The following SSBP2 variants were observed in gnomAD, a reference collection of about 807,000 sequenced individuals.
The protein encoded by SSBP2 is single-stranded DNA-binding protein 2.
In SSBP2, 17 loss-of-function variants were observed where a neutral mutation model predicts 61.8. The ratio of observed to expected loss-of-function variants is 0.28; its 90% CI spans 0.19 to 0.41. The LOEUF (loss-of-function observed/expected upper bound fraction) is 0.41, where lower values mean the gene tolerates loss of function less well. SSBP2 is among the 10% of genes least tolerant of loss of function. The pLI, the probability that SSBP2 is intolerant of heterozygous loss-of-function variation, is 1.00. For missense variants in SSBP2, 310 were observed against 458.7 expected (o/e 0.68, Z 2.96); for synonymous variants, 139 against 141.3 (o/e 0.98, Z 0.12).
intron 1 of SSBP2, among the ~76,000 whole-genome samples, chr5:81,654,776 A>G (rs970255915): frequency 2.6e-5 from 4 of 152,158 alleles, no homozygotes; most frequent in Admixed American, 2.6e-4. Flanking sequence ...GACATTGTCC[A>G]TCCATGCAGG....
At chr5:81,588,395 C>A (rs779682033) in intron 4 of SSBP2, among the ~76,000 whole-genome samples, 4 of 152,110 alleles carry the variant, frequency 2.6e-5, no homozygotes, top group Non-Finnish European at 5.9e-5. Flanking sequence ...AAAGTTACTA[C>A]TAAATTGTAG....
chr5:81,614,569 G>A (rs944595214), intron 4 of SSBP2, among the ~76,000 whole-genome samples: 3 of 151,980 alleles, frequency 2.0e-5, no homozygotes, highest in African/African-American at 7.2e-5. Context: ...GGTTTTTAAG[G>A]CATTTTACAC....
At chr5:81,650,828 A>G (rs988810169) in intron 1 of SSBP2, among the ~76,000 whole-genome samples, 1 of 152,098 alleles carries the variant, frequency 6.6e-6, no homozygotes, top group African/African-American at 2.4e-5. Context: ...TTGCTCAGCA[A>G]CTTCTCCTTA....
chr5:81,656,383 G>C lies in SSBP2; in HGVS notation c.63-6044C>G, dbSNP rs191512270. ...AAAAATTTAAAAAATACATAAAAGT[G>C]TTCAACTGTTGACTGTCCCTACAAA... On this transcript the variant is annotated intron_variant, in intron 1 of 16. Coordinates refer to ENST00000320672, the MANE Select transcript of SSBP2 (RefSeq NM_012446.5). Among the ~76,000 whole-genome samples, 459 of 152,128 alleles carry C rather than the reference G, an allele frequency of 3.0e-3. 3 individuals carry two copies. The highest frequency in any genetic ancestry group is 0.011 in the African/African-American group (438 of 41,512).
intron 2 of SSBP2, among the ~76,000 whole-genome samples, chr5:81,643,763 C>T (rs993703416): frequency 5.3e-5 from 8 of 151,706 alleles, no homozygotes; most frequent in Admixed American, 6.6e-5. Context: ...CCACCATACT[C>T]GGCTAATTTT....
At chr5:81,547,404 C>A (rs1304787892) in intron 4 of SSBP2, among the ~76,000 whole-genome samples, 1 of 152,134 alleles carries the variant, frequency 6.6e-6, no homozygotes, top group Non-Finnish European at 1.5e-5. Context: ...CACATCCAGA[C>A]AACGGAATAT....
At chr5:81,558,553 T>C (rs10066110) in intron 4 of SSBP2, among the ~76,000 whole-genome samples, 14,855 of 152,236 alleles carry the variant, frequency 0.098, 831 homozygotes, top group African/African-American at 0.13. Context: ...GTTGGCAAAA[T>C]GTAAAATTTT....
intron 1 of SSBP2, among the ~76,000 whole-genome samples, chr5:81,707,686 CA>C (rs1754488595): frequency 6.6e-6 from 1 of 151,622 alleles, no homozygotes; most frequent in Non-Finnish European, 1.5e-5. Flanking sequence ...GAAATGACTT[CA>C]AAAGTGGCTG....
chr5:81,594,644 C>A (rs1206162478), intron 4 of SSBP2, among the ~76,000 whole-genome samples: 6 of 152,202 alleles, frequency 3.9e-5, no homozygotes, highest in Non-Finnish European at 2.9e-5. Flanking sequence ...CAAACTGTCT[C>A]TCAGACCACA....
At chr5:81,591,828 C>G (rs1407152075) in intron 4 of SSBP2, among the ~76,000 whole-genome samples, 1 of 151,980 alleles carries the variant, frequency 6.6e-6, no homozygotes, top group African/African-American at 2.4e-5. Context: ...ATATAAACAA[C>G]AACAACAAAA....
chr5:81,653,641 T>C lies in SSBP2; in HGVS notation c.63-3302A>G, dbSNP rs372553257. Among the ~76,000 whole-genome samples, 20 of 152,340 alleles carry C rather than the reference T, an allele frequency of 1.3e-4. No homozygotes were observed. The East Asian group carries it at 2.9e-3, about 22-fold the overall frequency. ...CCTGTCTTTTTAATGATCACCATTC[T>C]AACTGGCATCAGATGGTATCTCATT... On this transcript the variant is annotated intron_variant, in intron 1 of 16. Coordinates refer to ENST00000320672, the MANE Select transcript of SSBP2 (RefSeq NM_012446.5).
Position 81,591,600 on chromosome 5 carries a change from T to C in SSBP2, c.282+23873A>G, listed in dbSNP as rs78981451. On this transcript the variant is annotated intron_variant, in intron 4 of 16. Transcript: ENST00000320672. ...CACAGACAGAAACTGTGAGAGAAAA[T>C]AAAATGAAATGATAGAAATAAAAAA... is the stretch of plus-strand genomic sequence containing the variant. 3.2e-3 allele frequency among the ~76,000 whole-genome samples: 476 copies of C among 150,434 alleles called. 6 individuals are homozygous for C. In the East Asian group the frequency reaches 0.053, roughly 17 times the overall value.
At chr5:81,459,301 A>AC (rs1452608542) in intron 10 of SSBP2, among the ~76,000 whole-genome samples, 2 of 152,046 alleles carry the variant, frequency 1.3e-5, no homozygotes, top group East Asian at 3.8e-4. Flanking sequence ...TGGATAATAT[A>AC]CCCCCTTGGT....
intron 4 of SSBP2, among the ~76,000 whole-genome samples, chr5:81,577,867 A>G (rs1774349491): frequency 6.6e-6 from 1 of 152,082 alleles, no homozygotes; most frequent in Non-Finnish European, 1.5e-5. Flanking sequence ...ATTAATAGCA[A>G]TAGTAGACAT....
intron 15 of SSBP2, among the ~76,000 whole-genome samples, chr5:81,430,663 A>G (rs1228079635): frequency 6.6e-6 from 1 of 152,156 alleles, no homozygotes; most frequent in Non-Finnish European, 1.5e-5. Flanking sequence ...TTCCAGTGTT[A>G]TTATTTCTGT....
intron 4 of SSBP2, among the ~76,000 whole-genome samples, chr5:81,582,416 T>C (rs1774727008): frequency 6.6e-6 from 1 of 152,190 alleles, no homozygotes; most frequent in African/African-American, 2.4e-5. Flanking sequence ...ACAGTTCATA[T>C]TGAACCTAAT....
At position 81,523,222 on chromosome 5, in the gene SSBP2, G is replaced by C. The variant is rs562669054; in HGVS notation, c.283-9505C>G. Among the ~76,000 whole-genome samples the C allele has an allele frequency of 2.0e-5, 3 of 152,050 alleles. No homozygotes were observed. In the East Asian group the frequency reaches 5.8e-4, roughly 29 times the overall value. On this transcript the variant is annotated intron_variant, in intron 4 of 16. Transcript: ENST00000320672. The stretch of plus-strand genomic sequence containing the variant: ...TTTTATGTGCAAGAGAAGTGCAAAA[G>C]GACTCTGATAAAAACAATTAAAATT...
At chr5:81,539,867 T>C (rs1264645979) in intron 4 of SSBP2, among the ~76,000 whole-genome samples, 1 of 152,170 alleles carries the variant, frequency 6.6e-6, no homozygotes, top group Non-Finnish European at 1.5e-5. Flanking sequence ...CTACATTAGG[T>C]ATTTCTCCTA....
chr5:81,654,712 G>A (rs887254973), intron 1 of SSBP2, among the ~76,000 whole-genome samples: 5 of 152,284 alleles, frequency 3.3e-5, no homozygotes, highest in South Asian at 2.1e-4. Context: ...GGAACAGCCC[G>A]GAACAGTAAT....
Sources: allele counts gnomAD v4.1 joint callset (sites outside exome capture counted in the v4.1 genomes callset), GRCh38; gene constraint gnomAD v4.1.1; transcripts MANE v1.5; gene names NCBI Gene and HGNC (gene_info 2026-07-23, HGNC 2026-07-21).